The following SHB variants were observed in gnomAD, a reference collection of about 807,000 sequenced individuals.
The protein encoded by SHB is SH2 domain-containing adapter protein B.
Under a neutral mutation model 52.3 loss-of-function variants are expected in SHB, and 20 were observed. The observed-to-expected ratio is 0.38, with a 90% CI of 0.27 to 0.56. The LOEUF is 0.56. SHB is among the 20% of genes least tolerant of loss of function. SHB has a pLI of 0.71. For missense variants in SHB, 825 were observed against 723.3 expected, an observed-to-expected ratio of 1.14 and a Z score of -1.61; for synonymous variants, 397 against 316.5, an observed-to-expected ratio of 1.25 and a Z score of -2.70.
chr9:37,934,705 T>A (rs55979334), intron 5 of SHB, among the ~76,000 whole-genome samples: 11,357 of 152,286 alleles, frequency 0.075, 488 homozygotes, highest in South Asian at 0.11. Context: ...GTGGTCACGG[T>A]TCTGGGGGGC....
Position 37,976,922 on chromosome 9 carries a change from T to A in SHB, c.839-2085A>T, listed in dbSNP as rs1164511179. ...GCTGCTTTCAGGCTGGGCTTTATGATTCAGGCCGGCTCATGTGGACACACG... is the reference window on the plus strand; with the variant it reads ...GCTGCTTTCAGGCTGGGCTTTATGAATCAGGCCGGCTCATGTGGACACACG... On this transcript the variant is annotated intron_variant, in intron 2 of 5. Coordinates refer to ENST00000377707, the MANE Select transcript of SHB (RefSeq NM_003028.3). Among the ~76,000 whole-genome samples, 12 of 152,316 alleles carry A rather than the reference T, an allele frequency of 7.9e-5. No individual in the cohort carries two copies. In the East Asian group the frequency reaches 2.1e-3, roughly 27 times the overall value.
chr9:37,944,072 C>T (rs915233402), intron 5 of SHB, among the ~76,000 whole-genome samples: 1 of 152,156 alleles, frequency 6.6e-6, no homozygotes, highest in Non-Finnish European at 1.5e-5. Flanking sequence ...GTGGTGGGTG[C>T]CAGGTCAATG....
chr9:38,001,560 C>G (rs1306410987), intron 2 of SHB, among the ~76,000 whole-genome samples: 5 of 152,364 alleles, frequency 3.3e-5, no homozygotes, highest in African/African-American at 1.2e-4. Context: ...GCCCTTTGGA[C>G]GCTTTGACCT....
At chr9:38,045,753 T>C (rs984584068) in intron 1 of SHB, among the ~76,000 whole-genome samples, 2 of 152,192 alleles carry the variant, frequency 1.3e-5, no homozygotes, top group African/African-American at 4.8e-5. Context: ...AAAAGACGTA[T>C]GTTTTTTGAC....
rs551677870 is a variant in SHB at position 38,055,434 on chromosome 9, C to T, written c.717+12495G>A. ...CGGGACACCTGGGTTGATGGTGGGCCGAAAACGGTGGGGTGCAGAGGAAGA... is the reference window on the plus strand; with the variant it reads ...CGGGACACCTGGGTTGATGGTGGGCTGAAAACGGTGGGGTGCAGAGGAAGA... On this transcript the variant is annotated intron_variant, in intron 1 of 5. Transcript: ENST00000377707. Among the ~76,000 whole-genome samples, 384 of 152,132 alleles carry T rather than the reference C, an allele frequency of 2.5e-3. 9 individuals carry two copies. Among genetic ancestry groups the T allele is most frequent in the Non-Finnish European group, 3.8e-4 (26 of 67,998 alleles).
intron 4 of SHB, among the ~76,000 whole-genome samples, chr9:37,955,095 G>A (rs1412652671): frequency 6.6e-6 from 1 of 152,148 alleles, no homozygotes; most frequent in Non-Finnish European, 1.5e-5. Context: ...CAGACATGGA[G>A]CAAGAACACG....
In SHB at chr9:38,012,526, T is replaced by C. The variant is rs76125011; in HGVS notation, c.838+3485A>G. Reference sequence around the variant, plus strand: ...GTTATCACCGGCCCCTCATTCCATATGTAAGTAAATATGGGGGCATACAAC... The same window carrying C: ...GTTATCACCGGCCCCTCATTCCATACGTAAGTAAATATGGGGGCATACAAC... On this transcript the variant is annotated intron_variant, in intron 2 of 5. Coordinates refer to ENST00000377707, the MANE Select transcript of SHB (RefSeq NM_003028.3). Among the ~76,000 whole-genome samples, 1,012 of 152,148 alleles carry C rather than the reference T, an allele frequency of 6.7e-3. 11 individuals carry two copies. Among genetic ancestry groups the C allele is most frequent in the African/African-American group, 0.023 (957 of 41,516 alleles).
chr9:38,050,968 T>C (rs766197510), intron 1 of SHB, among the ~76,000 whole-genome samples: 2 of 152,236 alleles, frequency 1.3e-5, no homozygotes. Flanking sequence ...AAACTGCTTA[T>C]TTAGCATCCT....
At chr9:37,968,622 G>C (rs753959985) in intron 3 of SHB, among the ~76,000 whole-genome samples, 6 of 152,260 alleles carry the variant, frequency 3.9e-5, no homozygotes. Context: ...GAATCGAAAT[G>C]AGATGACTTA....
chr9:38,060,507 T>C (rs935471766), intron 1 of SHB, among the ~76,000 whole-genome samples: 14 of 152,336 alleles, frequency 9.2e-5, no homozygotes, highest in Non-Finnish European at 2.1e-4. Context: ...TGACTTAACC[T>C]GTCTGTGCCT....
At chr9:37,982,160 C>G (rs944998001) in intron 2 of SHB, among the ~76,000 whole-genome samples, 1 of 151,836 alleles carries the variant, frequency 6.6e-6, no homozygotes, top group Non-Finnish European at 1.5e-5. Context: ...TGAAGTATGC[C>G]TAAACATTTT....
chr9:37,986,124 C>T (rs1820804165), intron 2 of SHB, among the ~76,000 whole-genome samples: 1 of 152,162 alleles, frequency 6.6e-6, no homozygotes, highest in East Asian at 1.9e-4. Flanking sequence ...TGGCATTTCA[C>T]AGAATCTCAA....
intron 2 of SHB, among the ~76,000 whole-genome samples, chr9:38,003,717 TG>T (rs1462536211): frequency 1.3e-5 from 2 of 152,212 alleles, no homozygotes; most frequent in African/African-American, 4.8e-5. Flanking sequence ...AACTGTACTA[TG>T]TCCCTCAGTG....
intron 1 of SHB, among the ~76,000 whole-genome samples, chr9:38,045,911 C>T (rs1337977792): frequency 3.3e-5 from 5 of 152,060 alleles, no homozygotes; most frequent in African/African-American, 4.8e-5. Flanking sequence ...ACAGAGATTA[C>T]AAGTTAACAT....
chr9:37,917,474 G>A lies in SHB; in HGVS notation c.*2347C>T, dbSNP rs1020862465. ...GGAAGATGGTCTACAGGGAAGGACC[G>A]TGAGGTGCGGCCCCACCCAGCAGCC... On this transcript the variant is annotated 3_prime_UTR_variant, in exon 6 of 6. Transcript: ENST00000377707. Among the ~76,000 whole-genome samples the A allele has an allele frequency of 1.3e-5, 2 of 152,198 alleles. No individual in the cohort carries two copies. Among genetic ancestry groups the A allele is most frequent in the African/African-American group, 2.4e-5 (1 of 41,452 alleles).
At chr9:37,980,204 A>G (rs1820707210) in intron 2 of SHB, among the ~76,000 whole-genome samples, 1 of 152,234 alleles carries the variant, frequency 6.6e-6, no homozygotes, top group South Asian at 2.1e-4. Flanking sequence ...GCTGTTTTAT[A>G]ACATTTTACC....
At chr9:38,040,666 G>C (rs1821563675) in intron 1 of SHB, among the ~76,000 whole-genome samples, 1 of 152,104 alleles carries the variant, frequency 6.6e-6, no homozygotes, top group South Asian at 2.1e-4. Context: ...TCAGCAATAG[G>C]GCACACTACG....
At chr9:37,948,015 C>T (rs1411315713) in intron 5 of SHB, among the ~76,000 whole-genome samples, 1 of 152,236 alleles carries the variant, frequency 6.6e-6, no homozygotes, top group African/African-American at 2.4e-5. Context: ...TATTTCTGGG[C>T]CTGCCCATCC....
intron 2 of SHB, 127 bp from the exon 3 acceptor site, chr9:37,974,964 C>T (rs1820638119): frequency 2.5e-6 from 2 of 809,330 alleles, no homozygotes; most frequent in Admixed American, 2.4e-5. Flanking sequence ...GAGACAGACC[C>T]CTGTCTGGGT....
Sources: gnomAD v4.1 joint callset for allele counts (sites outside exome capture counted in the v4.1 genomes callset) on GRCh38, gnomAD v4.1.1 for gene constraint, MANE v1.5 for transcripts, NCBI Gene and HGNC (gene_info 2026-07-23, HGNC 2026-07-21) for gene names.